The following AHCYL1 variants were observed in gnomAD, a reference collection of about 807,000 sequenced individuals.
AHCYL1 encodes adenosylhomocysteinase like 1.
Under a neutral mutation model 79.3 loss-of-function variants are expected in AHCYL1, and 20 were observed. The observed-to-expected ratio is 0.25, with a 90% confidence interval of 0.18 to 0.37. The LOEUF is 0.37. Ranked by LOEUF, AHCYL1 falls within the 10% of genes least tolerant of loss-of-function variation. The pLI, the probability that AHCYL1 is intolerant of heterozygous loss-of-function variation, is 1.00. For synonymous variants in AHCYL1, 223 were observed against 242.2 expected (o/e 0.92, Z 0.74); for missense variants, 330 against 673.6 (o/e 0.49, Z 5.65).
chr1:110,014,365 A>G (rs940034461), intron 5 of AHCYL1, among the ~76,000 whole-genome samples: 1 of 152,240 alleles, frequency 6.6e-6, no homozygotes, highest in Admixed American at 6.5e-5. Context: ...CTTTGACAGC[A>G]TCATTTGTAA....
chr1:110,007,315 C>A lies in AHCYL1; in HGVS notation c.121-1719C>A, dbSNP rs537024283. Among the ~76,000 whole-genome samples the A allele has an allele frequency of 7.2e-5, 11 of 152,272 alleles. No individual in the cohort carries two copies. The South Asian group carries it at 2.3e-3, about 32-fold the overall frequency. On this transcript the variant is annotated intron_variant, in intron 1 of 16. Transcript: ENST00000369799. ...AGCAGGGAGGCTGGTGGAGGAAGGG[C>A]TGCCTCTGGAGAGTGTTAAGAGGGG...
intron 1 of AHCYL1, among the ~76,000 whole-genome samples, chr1:110,000,523 C>G (rs1650251552): frequency 1.3e-5 from 2 of 152,156 alleles, no homozygotes; most frequent in South Asian, 4.1e-4. Flanking sequence ...TTTTACTTTT[C>G]TGAAAATTAA....
intron 16 of AHCYL1, 111 bp from the exon 17 acceptor site, chr1:110,021,563 T>A: frequency 1.0e-6 from 1 of 997,546 alleles, no homozygotes; most frequent in Non-Finnish European, 1.6e-6. Flanking sequence ...ACTGCAGGGA[T>A]CCCACCCAGG....
At chr1:110,004,524 A>G in intron 1 of AHCYL1, 2 of 979,514 alleles carry the variant, frequency 2.0e-6, no homozygotes, top group Non-Finnish European at 2.4e-6. Flanking sequence ...TTTTACTTGA[A>G]GTGAAAGGTA....
intron 14 of AHCYL1, 102 bp downstream of exon 14, chr1:110,019,221 T>A: frequency 8.5e-7 from 1 of 1,179,326 alleles, no homozygotes; most frequent in Middle Eastern, 1.9e-4. Flanking sequence ...ATCATCCTAT[T>A]CTTTTTTGAT....
intron 10 of AHCYL1, 37 bp downstream of exon 10, chr1:110,017,620 A>G: frequency 6.3e-7 from 1 of 1,575,534 alleles, no homozygotes; most frequent in Non-Finnish European, 8.7e-7. Context: ...GATTCACTCT[A>G]GGTGCTTTAT....
At chr1:110,010,579 C>G (rs1418787187) in intron 2 of AHCYL1, among the ~76,000 whole-genome samples, 2 of 152,172 alleles carry the variant, frequency 1.3e-5, no homozygotes, top group African/African-American at 4.8e-5. Context: ...CTTTCTTTCT[C>G]TATTCCTTGA....
chr1:110,002,133 A>G (rs1326506233), intron 1 of AHCYL1, among the ~76,000 whole-genome samples: 2 of 152,258 alleles, frequency 1.3e-5, no homozygotes, highest in African/African-American at 2.4e-5. Context: ...AGAAATATCA[A>G]TATGAACTCA....
chr1:110,018,142 C>T, intron 11 of AHCYL1, 126 bp downstream of exon 11: 5 of 1,118,626 alleles, frequency 4.5e-6, no homozygotes, highest in Middle Eastern at 2.4e-4. Flanking sequence ...AATAAGCTAT[C>T]AGAACCTTAA....
intron 1 of AHCYL1, among the ~76,000 whole-genome samples, chr1:109,995,947 C>T (rs1204366145): frequency 6.6e-6 from 1 of 152,182 alleles, no homozygotes; most frequent in Non-Finnish European, 1.5e-5. Flanking sequence ...GGCCCAGGCA[C>T]GGTGGCTCAC....
intron 1 of AHCYL1, among the ~76,000 whole-genome samples, chr1:109,992,107 C>T (rs929714431): frequency 2.0e-5 from 3 of 152,108 alleles, no homozygotes; most frequent in East Asian, 3.9e-4. Flanking sequence ...GAGAGACCTA[C>T]CATAAAAGTT....
intron 1 of AHCYL1, among the ~76,000 whole-genome samples, chr1:110,002,073 C>A (rs377058308): frequency 6.6e-6 from 1 of 151,986 alleles, no homozygotes; most frequent in African/African-American, 2.4e-5. Context: ...ACAAGACATA[C>A]AATAGGAAAA....
At chr1:110,016,896 G>C (rs1184500771) in intron 9 of AHCYL1, among the ~76,000 whole-genome samples, 166 bp downstream of exon 9, 2 of 152,180 alleles carry the variant, frequency 1.3e-5, no homozygotes, top group Non-Finnish European at 2.9e-5. Flanking sequence ...TTTATGAATA[G>C]AAACATACAA....
intron 11 of AHCYL1, 35 bp downstream of exon 11, chr1:110,018,051 G>T: frequency 6.2e-7 from 1 of 1,609,400 alleles, no homozygotes; most frequent in East Asian, 2.2e-5. Flanking sequence ...TTTATTCAGA[G>T]GCTAAATCTT....
chr1:110,017,886 ACCATCTTCC>A (rs1316419203), intron 10 of AHCYL1, 51 bp from the exon 11 acceptor site: 2 of 1,538,492 alleles, frequency 1.3e-6, no homozygotes, highest in Non-Finnish European at 1.8e-6. Context: ...TCATTTCATG[ACCATCTTCC>A]CTCCCACTGC....
In AHCYL1 at chr1:110,018,037, A is replaced by G. The variant is rs186942491; in HGVS notation, c.1123+21A>G. The G allele has an allele frequency of 1.9e-4, 310 of 1,613,720 alleles. No homozygotes were observed. The African/African-American group carries it at 3.6e-3, about 19-fold the overall frequency. ...CACAGGTAAATAACTTGCATAGAGA[A>G]GTGTTTATTCAGAGGCTAAATCTTG... On this transcript the variant is annotated intron_variant, in intron 11 of 16. Coordinates refer to ENST00000369799, the MANE Select transcript of AHCYL1 (RefSeq NM_006621.7).
intron 1 of AHCYL1, among the ~76,000 whole-genome samples, chr1:109,999,605 C>A (rs572984125): frequency 1.3e-5 from 2 of 152,052 alleles, no homozygotes; most frequent in South Asian, 4.2e-4. Context: ...TTACTTAAAT[C>A]CAGAATACTT....
intron 1 of AHCYL1, among the ~76,000 whole-genome samples, chr1:110,007,536 C>T (rs1048852765): frequency 6.6e-6 from 1 of 152,172 alleles, no homozygotes; most frequent in African/African-American, 2.4e-5. Flanking sequence ...GCACTGCAAT[C>T]TGGTGCTCCC....
chr1:110,015,297 C>T (rs1436200639), intron 6 of AHCYL1, 128 bp from the exon 7 acceptor site: 1 of 748,298 alleles, frequency 1.3e-6, no homozygotes, highest in East Asian at 2.4e-5. Flanking sequence ...TAAGCCTGCT[C>T]TAGGGAGCTC....
Sources: allele counts gnomAD v4.1 joint callset (sites outside exome capture counted in the v4.1 genomes callset), GRCh38; gene constraint gnomAD v4.1.1; transcripts MANE v1.5; gene names NCBI Gene and HGNC (gene_info 2026-07-23, HGNC 2026-07-21).